Variants in PRKCA observed in about 807,000 individuals in gnomAD.
PRKCA encodes protein kinase C alpha type.
Under a neutral mutation model 87.0 loss-of-function variants are expected in PRKCA, and 27 were observed. The ratio of observed to expected loss-of-function variants is 0.31; its 90% CI spans 0.23 to 0.43. The LOEUF is 0.43. PRKCA is among the 20% of genes least tolerant of loss of function. The pLI is 1.00. For synonymous variants in PRKCA, 329 were observed against 311.1 expected, an observed-to-expected ratio of 1.06 and a Z score of -0.61; for missense variants, 518 against 852.3, an observed-to-expected ratio of 0.61 and a Z score of 4.88.
intron 5 of PRKCA, 24 bp downstream of exon 5, chr17:66,645,535 AGCATCGTGGGCAG>A (rs776854316): frequency 4.1e-5 from 66 of 1,613,804 alleles, no homozygotes; most frequent in Non-Finnish European, 5.4e-5. Flanking sequence ...ATCCCGGAGC[AGCATCGTGGGCAG>A]GCATTTGGAT....
intron 15 of PRKCA, chr17:66,787,252 A>G (rs1321190552): frequency 1.4e-5 from 8 of 570,152 alleles, no homozygotes; most frequent in Non-Finnish European, 2.8e-5. Context: ...GTGATTGAGG[A>G]TTTAGTTCCT....
intron 2 of PRKCA, among the ~76,000 whole-genome samples, chr17:66,458,526 G>T (rs1914683807): frequency 6.6e-6 from 1 of 151,634 alleles, no homozygotes; most frequent in South Asian, 2.1e-4. Context: ...TGTCGCCCAG[G>T]CTGGAGTGTA....
intron 2 of PRKCA, among the ~76,000 whole-genome samples, chr17:66,479,757 G>A (rs1052762135): frequency 6.6e-6 from 1 of 152,162 alleles, no homozygotes; most frequent in East Asian, 1.9e-4. Flanking sequence ...CACAGGAACA[G>A]AAAACCAAAT....
intron 14 of PRKCA, among the ~76,000 whole-genome samples, chr17:66,781,905 TGTGTGTGTGTGTGA>T (rs1975237565): frequency 6.7e-6 from 1 of 150,328 alleles, no homozygotes; most frequent in East Asian, 1.9e-4. Context: ...TGTGTGTGTG[TGTGTGTGTGTGTGA>T]GTGAGTGTGA....
At chr17:66,509,365 G>A (rs987594294) in intron 3 of PRKCA, among the ~76,000 whole-genome samples, 1 of 152,112 alleles carries the variant, frequency 6.6e-6, no homozygotes, top group African/African-American at 2.4e-5. Flanking sequence ...AGCTGATGAT[G>A]TAAGTTCCAG....
chr17:66,712,595 G>A (rs911986487), intron 8 of PRKCA, among the ~76,000 whole-genome samples: 1 of 152,104 alleles, frequency 6.6e-6, no homozygotes, highest in Non-Finnish European at 1.5e-5. Context: ...ATGAAGGGCT[G>A]TCCCTGTCCC....
intron 3 of PRKCA, among the ~76,000 whole-genome samples, chr17:66,518,386 G>A (rs532088861): frequency 6.6e-6 from 1 of 152,310 alleles, no homozygotes; most frequent in Admixed American, 6.5e-5. Context: ...GGCCTCCTAA[G>A]AAACTCCTGT....
chr17:66,415,065 C>T (rs1912056753), intron 2 of PRKCA: 1 of 151,780 alleles, frequency 6.6e-6, no homozygotes, highest in South Asian at 2.1e-4. Context: ...TATACTCTTC[C>T]ACATTTTCCA....
At chr17:66,733,148 CAAAAA>C (rs34064109) in intron 9 of PRKCA, among the ~76,000 whole-genome samples, 3 of 99,398 alleles carry the variant, frequency 3.0e-5, no homozygotes. Flanking sequence ...GACTCCGTCT[CAAAAA>C]AAAAAAAAAA....
At chr17:66,353,341 T>C (rs902298618) in intron 2 of PRKCA, among the ~76,000 whole-genome samples, 1 of 152,212 alleles carries the variant, frequency 6.6e-6, no homozygotes, top group Non-Finnish European at 1.5e-5. Flanking sequence ...AATTTTATGA[T>C]AGGTATCCTT....
intron 3 of PRKCA, among the ~76,000 whole-genome samples, chr17:66,582,907 A>C (rs1175360398): frequency 1.3e-5 from 2 of 152,172 alleles, no homozygotes; most frequent in African/African-American, 4.8e-5. Context: ...GGAAGTCAGC[A>C]GCACAGACTT....
intron 3 of PRKCA, among the ~76,000 whole-genome samples, chr17:66,626,334 C>A (rs1970854839): frequency 6.6e-6 from 1 of 151,022 alleles, no homozygotes; most frequent in African/African-American, 2.4e-5. Context: ...ACCATAGGTG[C>A]ACACCACCAT....
intron 2 of PRKCA, among the ~76,000 whole-genome samples, chr17:66,442,124 C>T (rs975786874): frequency 7.3e-5 from 11 of 151,464 alleles, no homozygotes; most frequent in Non-Finnish European, 1.2e-4. Context: ...TGCAGTGGCA[C>T]GATCTTAACT....
At chr17:66,402,924 A>G (rs187910240) in intron 2 of PRKCA, among the ~76,000 whole-genome samples, 219 of 152,312 alleles carry the variant, frequency 1.4e-3, no homozygotes, top group Middle Eastern at 3.4e-3. Context: ...AAGCTCCTAA[A>G]TATTGGAGCC....
chr17:66,342,033 C>G (rs568457573), intron 2 of PRKCA, among the ~76,000 whole-genome samples: 1 of 152,320 alleles, frequency 6.6e-6, no homozygotes, highest in South Asian at 2.1e-4. Context: ...GCAAATGTTT[C>G]TGGAGCACCT....
intron 8 of PRKCA, among the ~76,000 whole-genome samples, chr17:66,707,052 C>A (rs747446514): frequency 1.3e-5 from 2 of 152,106 alleles, no homozygotes; most frequent in Admixed American, 1.3e-4. Flanking sequence ...CTGTCTCATA[C>A]CCTGTCCCTT....
intron 2 of PRKCA, among the ~76,000 whole-genome samples, chr17:66,484,179 A>G (rs1396731825): frequency 3.3e-5 from 5 of 152,156 alleles, no homozygotes; most frequent in Non-Finnish European, 7.3e-5. Flanking sequence ...CGAGAACAGT[A>G]TGGGGGAAAG....
intron 2 of PRKCA, among the ~76,000 whole-genome samples, chr17:66,325,294 G>A (rs2143241897): frequency 6.6e-6 from 1 of 152,310 alleles, no homozygotes; most frequent in South Asian, 2.1e-4. Context: ...CATGTAAAAT[G>A]TTAAATTTTT....
chr17:66,543,061 C>T lies in PRKCA; in HGVS notation c.288+46778C>T, dbSNP rs186314229. ...CTCAATTTCCAAAGCTATGCACTTC[C>T]GTAATTTCTATCCTTGTTTATAGTC... On this transcript the variant is annotated intron_variant, in intron 3 of 16. Transcript: ENST00000413366. Among the ~76,000 whole-genome samples the T allele has an allele frequency of 6.6e-3, 1,002 of 152,258 alleles. 32 individuals are homozygous for T. Among genetic ancestry groups the T allele is most frequent in the Admixed American group, 0.056 (862 of 15,276 alleles).
Sources: gnomAD v4.1 joint callset for allele counts (sites outside exome capture counted in the v4.1 genomes callset) on GRCh38, gnomAD v4.1.1 for gene constraint, MANE v1.5 for transcripts, NCBI Gene and HGNC (gene_info 2026-07-23, HGNC 2026-07-21) for gene names.